The following NOSTRIN variants were observed in gnomAD, a reference collection of about 807,000 sequenced individuals.
NOSTRIN encodes BM247 homolog.
A neutral mutation model predicts 59.0 loss-of-function variants in NOSTRIN; 63 were observed. That is an observed-to-expected ratio of 1.07 (90% confidence interval 0.87 to 1.32). NOSTRIN has a LOEUF of 1.32. NOSTRIN is among the 40% of genes most tolerant of loss of function. The probability of loss-of-function intolerance (pLI) is 0.00; values close to 1 mark genes in which losing one functional copy is unlikely to be tolerated. For missense variants in NOSTRIN, 512 were observed against 473.1 expected (o/e 1.08, Z -0.76); for synonymous variants, 200 against 165.4 (o/e 1.21, Z -1.61).
chr2:168,840,841 T>G (rs1688054540), intron 7 of NOSTRIN, among the ~76,000 whole-genome samples: 2 of 152,182 alleles, frequency 1.3e-5, no homozygotes, highest in Non-Finnish European at 2.9e-5. Context: ...TGGGGAGCTA[T>G]AGTCAAAACT....
At chr2:168,833,402 A>G (rs150560054) in intron 6 of NOSTRIN, among the ~76,000 whole-genome samples, 26 of 152,356 alleles carry the variant, frequency 1.7e-4, no homozygotes, top group African/African-American at 6.0e-4. Flanking sequence ...TTCCCAAGCT[A>G]AAAAGCCAAG....
At chr2:168,860,938 C>G in intron 14 of NOSTRIN, 29 bp downstream of exon 14, 1 of 1,399,880 alleles carries the variant, frequency 7.1e-7, no homozygotes, top group African/African-American at 1.4e-5. Flanking sequence ...TCATTTTGGC[C>G]TGGGTCCTAC....
At chr2:168,848,461 C>G (rs973563983) in intron 8 of NOSTRIN, among the ~76,000 whole-genome samples, 1 of 152,238 alleles carries the variant, frequency 6.6e-6, no homozygotes, top group African/African-American at 2.4e-5. Flanking sequence ...ACACTTGATA[C>G]AAAAGCTAAA....
chr2:168,811,110 G>C (rs2105549170), intron 1 of NOSTRIN, among the ~76,000 whole-genome samples: 1 of 152,294 alleles, frequency 6.6e-6, no homozygotes, highest in South Asian at 2.1e-4. Flanking sequence ...TTTACTGACA[G>C]TTTCATATCT....
intron 5 of NOSTRIN, among the ~76,000 whole-genome samples, chr2:168,829,269 C>T (rs1311572159): frequency 6.9e-6 from 1 of 144,572 alleles, no homozygotes; most frequent in Non-Finnish European, 1.5e-5. Flanking sequence ...TTCCTTCCCT[C>T]CCTCCCTCCC....
intron 5 of NOSTRIN, among the ~76,000 whole-genome samples, chr2:168,829,752 G>T (rs1687266302): frequency 6.6e-6 from 1 of 152,296 alleles, no homozygotes; most frequent in East Asian, 1.9e-4. Flanking sequence ...TAGGGGTGGG[G>T]TTATGGTCAC....
intron 7 of NOSTRIN, among the ~76,000 whole-genome samples, chr2:168,838,188 A>G (rs936797483): frequency 6.6e-6 from 1 of 152,100 alleles, no homozygotes; most frequent in Non-Finnish European, 1.5e-5. Context: ...CCAAAATCCA[A>G]CCATCACTTT....
intron 8 of NOSTRIN, among the ~76,000 whole-genome samples, chr2:168,848,160 C>T (rs2105741356): frequency 6.6e-6 from 1 of 152,346 alleles, no homozygotes; most frequent in Non-Finnish European, 1.5e-5. Context: ...ATCCAAACAA[C>T]TGAGCAGAAT....
intron 4 of NOSTRIN, 36 bp from the exon 5 acceptor site, chr2:168,828,384 T>A (rs1559118120): frequency 1.2e-6 from 1 of 867,876 alleles, no homozygotes; most frequent in Non-Finnish European, 2.0e-6. Flanking sequence ...TAAACGCTGA[T>A]ATTATGCTTA....
At chr2:168,810,631 TTGTA>T (rs1686080065) in intron 1 of NOSTRIN, among the ~76,000 whole-genome samples, 1 of 152,184 alleles carries the variant, frequency 6.6e-6, no homozygotes, top group Non-Finnish European at 1.5e-5. Context: ...GGCTGGCTCA[TTGTA>T]TGAGCAAAGA....
chr2:168,851,826 A>G (rs571449597), intron 10 of NOSTRIN, among the ~76,000 whole-genome samples: 1 of 152,200 alleles, frequency 6.6e-6, no homozygotes, highest in African/African-American at 2.4e-5. Context: ...TATGTGGGTC[A>G]GGAATTCAGT....
At chr2:168,801,256 C>CTTTT (rs747380889), upstream of NOSTRIN, 1 of 130,228 alleles carries the variant, frequency 7.7e-6, no homozygotes, top group African/African-American at 2.8e-5. Flanking sequence ...TTTCTGGAAG[C>CTTTT]TTTTTTTTTT....
Position 168,813,144 on chromosome 2 carries a change from A to G in NOSTRIN, c.113+1492A>G, listed in dbSNP as rs1258990545. Among the ~76,000 whole-genome samples, 5 of 152,196 alleles carry G rather than the reference A, an allele frequency of 3.3e-5. No individual in the cohort carries two copies. The East Asian group carries it at 9.6e-4, about 29-fold the overall frequency. The stretch of plus-strand genomic sequence containing the variant: ...AATATTGTTATCAGTCCCAAAGGAA[A>G]TTATTTAAAATAAGACCCATTATTT... On this transcript the variant is annotated intron_variant, in intron 2 of 15. Coordinates refer to ENST00000317647, the MANE Select transcript of NOSTRIN (RefSeq NM_001039724.4).
intron 2 of NOSTRIN, chr2:168,818,440 G>A (rs1686540189): frequency 6.3e-6 from 1 of 158,808 alleles, no homozygotes; most frequent in African/African-American, 2.4e-5. Context: ...AGAGGTGCAA[G>A]TCACTGCTCC....
intron 2 of NOSTRIN, among the ~76,000 whole-genome samples, chr2:168,813,225 G>A (rs1686239854): frequency 1.3e-5 from 2 of 152,214 alleles, no homozygotes; most frequent in South Asian, 4.1e-4. Flanking sequence ...CCTTCTGCCT[G>A]CAGAGCAGGA....
intron 6 of NOSTRIN, among the ~76,000 whole-genome samples, chr2:168,833,882 C>A (rs1167412047): frequency 6.6e-6 from 1 of 152,202 alleles, no homozygotes; most frequent in Non-Finnish European, 1.5e-5. Context: ...GTGATATCTT[C>A]TGTGGTAAAG....
chr2:168,859,370 TCGGCA>T, intron 12 of NOSTRIN, 137 bp from the exon 13 acceptor site: 8 of 1,299,532 alleles, frequency 6.2e-6, no homozygotes, highest in African/African-American at 1.5e-5. Context: ...TTTTTTTCCT[TCGGCA>T]TTTTCTGTGA....
chr2:168,824,998 A>C (rs1686979428), intron 3 of NOSTRIN, among the ~76,000 whole-genome samples: 1 of 152,082 alleles, frequency 6.6e-6, no homozygotes, highest in Non-Finnish European at 1.5e-5. Flanking sequence ...GGCTCAAGTA[A>C]TCCTCCTGCC....
In NOSTRIN at chr2:168,824,725, TTG is replaced by T. The variant is rs1553523484; in HGVS notation, c.197+11_197+12del. On this transcript the variant is annotated intron_variant, in intron 3 of 15. Transcript: ENST00000317647. Reference sequence around the variant, plus strand: ...ACAGAACACGAGAAAAAGGTAAGTATTGTGGCAGAGGTAAGGCAAAATCAACC... The same window carrying T: ...ACAGAACACGAGAAAAAGGTAAGTATTGGCAGAGGTAAGGCAAAATCAACC... The T allele has an allele frequency of 4.6e-6, 4 of 872,232 alleles. No individual in the cohort carries two copies. The highest frequency in any genetic ancestry group is 8.0e-6 in the Non-Finnish European group (4 of 501,296). 54.0% of individuals were successfully genotyped at this position (872,232 alleles called of 1,614,324 possible).
Sources: allele counts gnomAD v4.1 joint callset (sites outside exome capture counted in the v4.1 genomes callset), GRCh38; gene constraint gnomAD v4.1.1; transcripts MANE v1.5; gene names NCBI Gene and HGNC (gene_info 2026-07-23, HGNC 2026-07-21).